The following CDH17 variants were observed in gnomAD, a reference collection of about 807,000 sequenced individuals.
CDH17 encodes cadherin 17.
Under a neutral mutation model 86.3 loss-of-function variants are expected in CDH17, and 67 were observed. That is an observed-to-expected ratio of 0.78 (90% CI 0.64 to 0.95). CDH17 has a LOEUF of 0.95. Ranked by LOEUF, CDH17 falls within the 40% of genes least tolerant of loss-of-function variation. The probability of loss-of-function intolerance (pLI) is 0.00; values close to 1 mark genes in which losing one functional copy is unlikely to be tolerated. For synonymous variants in CDH17, 367 were observed against 366.4 expected (o/e 1.00, Z -0.02); for missense variants, 993 against 1,017.6 (o/e 0.98, Z 0.33).
intron 1 of CDH17, among the ~76,000 whole-genome samples, chr8:94,204,034 G>A (rs1355719015): frequency 6.6e-6 from 1 of 152,072 alleles, no homozygotes; most frequent in East Asian, 1.9e-4. Flanking sequence ...GAGGCTAAAT[G>A]GTCCCCTGGA....
At chr8:94,165,078 G>A (rs1483252103) in intron 10 of CDH17, among the ~76,000 whole-genome samples, 2 of 152,136 alleles carry the variant, frequency 1.3e-5, no homozygotes, top group East Asian at 1.9e-4. Flanking sequence ...CAGTCTGAAA[G>A]CAAGAATTGG....
intron 3 of CDH17, among the ~76,000 whole-genome samples, chr8:94,186,128 C>A (rs886651875): frequency 6.6e-6 from 1 of 152,170 alleles, no homozygotes; most frequent in African/African-American, 2.4e-5. Context: ...GAAGTCTCCC[C>A]AATCTGTATC....
chr8:94,192,885 A>G (rs1248449730), intron 2 of CDH17, among the ~76,000 whole-genome samples: 1 of 152,238 alleles, frequency 6.6e-6, no homozygotes, highest in Non-Finnish European at 1.5e-5. Flanking sequence ...GGAAAAGAAC[A>G]GAAGATCTAC....
At chr8:94,173,615 C>T (rs1813310085) in intron 7 of CDH17, among the ~76,000 whole-genome samples, 182 bp downstream of exon 7, 1 of 152,168 alleles carries the variant, frequency 6.6e-6, no homozygotes, top group South Asian at 2.1e-4. Flanking sequence ...ATCCAAGTTG[C>T]CTGCCCATGA....
intron 7 of CDH17, among the ~76,000 whole-genome samples, chr8:94,173,454 G>A (rs530366523): frequency 1.9e-4 from 29 of 152,220 alleles, no homozygotes; most frequent in South Asian, 2.1e-4. Flanking sequence ...TGCCATGATC[G>A]TAATTTTCCC....
chr8:94,149,571 C>T (rs927719902), intron 13 of CDH17, among the ~76,000 whole-genome samples: 22 of 152,000 alleles, frequency 1.4e-4, no homozygotes, highest in African/African-American at 3.4e-4. Context: ...AAGAAGAAGA[C>T]GCTTCAAGTA....
At chr8:94,210,226 T>TAAAAAAAAA (rs71567010), upstream of CDH17, among the ~76,000 whole-genome samples, 25 of 53,456 alleles carry the variant, frequency 4.7e-4, 4 homozygotes, top group African/African-American at 1.1e-3. Context: ...TTTATGCGAG[T>TAAAAAAAAA]AAAAAAAAAA....
chr8:94,201,656 G>A lies in CDH17; in HGVS notation c.-21+6827C>T, dbSNP rs1364619886. 2.6e-5 allele frequency among the ~76,000 whole-genome samples: 4 copies of A among 152,138 alleles called. No homozygotes were observed. In the East Asian group the frequency reaches 7.7e-4, roughly 29 times the overall value. The stretch of plus-strand genomic sequence containing the variant: ...TAAATATCTGCTGTTTAAGCCTCCC[G>A]TTCTGTGGTATTTTGTTAAGGCAGC... On this transcript the variant is annotated intron_variant, in intron 1 of 17. Coordinates refer to ENST00000027335, the MANE Select transcript of CDH17 (RefSeq NM_004063.4).
At chr8:94,158,526 A>G (rs551120972) in intron 12 of CDH17, among the ~76,000 whole-genome samples, 29 of 152,292 alleles carry the variant, frequency 1.9e-4, no homozygotes, top group African/African-American at 6.5e-4. Flanking sequence ...CTGGTCCTGC[A>G]AAAGGATAAA....
chr8:94,174,468 C>T (rs1813333223), intron 5 of CDH17, among the ~76,000 whole-genome samples: 2 of 152,042 alleles, frequency 1.3e-5, no homozygotes. Context: ...CTCTAAGGGT[C>T]CCTGAAACTG....
upstream of CDH17, among the ~76,000 whole-genome samples, chr8:94,213,204 T>G (rs1353825432): frequency 1.3e-5 from 2 of 152,180 alleles, no homozygotes; most frequent in African/African-American, 4.8e-5. Context: ...ACTCCTGAGC[T>G]CAAGTGATTC....
chr8:94,135,237 A>G (rs200107016), intron 15 of CDH17, among the ~76,000 whole-genome samples: 1 of 152,064 alleles, frequency 6.6e-6, no homozygotes, highest in African/African-American at 2.4e-5. Flanking sequence ...TCTCATTGAT[A>G]TGTCTAATAT....
chr8:94,138,581 G>A (rs1183373468), intron 15 of CDH17, among the ~76,000 whole-genome samples: 1 of 152,152 alleles, frequency 6.6e-6, no homozygotes, highest in Non-Finnish European at 1.5e-5. Context: ...GCACACTAAA[G>A]AGATTTATAG....
At chr8:94,193,755 A>C (rs1266320275) in intron 2 of CDH17, among the ~76,000 whole-genome samples, 1 of 152,138 alleles carries the variant, frequency 6.6e-6, no homozygotes, top group Non-Finnish European at 1.5e-5. Flanking sequence ...CTTCTCATAA[A>C]GTTTGAACTG....
intron 3 of CDH17, among the ~76,000 whole-genome samples, chr8:94,182,043 A>G (rs935233198): frequency 3.3e-5 from 5 of 152,296 alleles, no homozygotes; most frequent in African/African-American, 1.2e-4. Context: ...TCAAATGGAC[A>G]AATTTCTAGA....
chr8:94,174,282 GAAAA>G, intron 5 of CDH17, 22 bp from the exon 6 acceptor site: 29 of 1,275,172 alleles, frequency 2.3e-5, no homozygotes, highest in Middle Eastern at 2.4e-4. Context: ...GACGTACCCA[GAAAA>G]AAAAAAAAAA....
rs1586244812 is a variant in CDH17 at position 94,152,258 on chromosome 8, A to G, written c.1552-146T>C. Reference sequence around the variant, plus strand: ...ACATGTGGGAGAATGAAATTAGACTATTTCATACCATATATGAAAATCCGT... The same window carrying G: ...ACATGTGGGAGAATGAAATTAGACTGTTTCATACCATATATGAAAATCCGT... On this transcript the variant is annotated intron_variant, in intron 12 of 17. Coordinates refer to ENST00000027335, the MANE Select transcript of CDH17 (RefSeq NM_004063.4). 4.9e-6 allele frequency: 4 copies of G among 817,542 alleles called. No homozygotes were observed. The South Asian group carries it at 5.6e-5, about 11-fold the overall frequency. 50.6% of individuals were successfully genotyped at this position (817,542 alleles called of 1,614,324 possible). A position where few individuals can be genotyped will look rare whatever the true frequency, so the allele number is the denominator to read the frequency against.
At chr8:94,142,860 G>A (rs574634852) in intron 15 of CDH17, among the ~76,000 whole-genome samples, 4 of 152,170 alleles carry the variant, frequency 2.6e-5, no homozygotes, top group African/African-American at 9.6e-5. Context: ...CTTCTAATTC[G>A]AGCTCTATTG....
chr8:94,145,769 C>T (rs188061008), intron 15 of CDH17, among the ~76,000 whole-genome samples, 159 bp downstream of exon 15: 33 of 152,188 alleles, frequency 2.2e-4, no homozygotes, highest in African/African-American at 7.5e-4. Context: ...GGGCTTTTTC[C>T]CCTCTGGAGT....
Sources: allele counts gnomAD v4.1 joint callset (sites outside exome capture counted in the v4.1 genomes callset), GRCh38; gene constraint gnomAD v4.1.1; transcripts MANE v1.5; gene names NCBI Gene and HGNC (gene_info 2026-07-23, HGNC 2026-07-21).